ZEB2: variants seen among roughly 807,000 people sequenced by gnomAD.
The protein encoded by ZEB2 is zinc finger E-box binding homeobox 2.
Under a neutral mutation model 99.9 loss-of-function variants are expected in ZEB2, and 6 were observed. That is an observed-to-expected ratio of 0.06 (90% CI 0.03 to 0.12). The LOEUF (loss-of-function observed/expected upper bound fraction) is 0.12, where lower values mean the gene tolerates loss of function less well. Among genes scored for constraint, ZEB2 ranks in the 10% least tolerant of loss-of-function variants. The probability of loss-of-function intolerance (pLI) is 1.00; values close to 1 mark genes in which losing one functional copy is unlikely to be tolerated. For synonymous variants in ZEB2, 517 were observed against 542.5 expected (o/e 0.95, Z 0.65); for missense variants, 969 against 1,502.8 (o/e 0.64, Z 5.87).
intron 2 of ZEB2, chr2:144,497,876 TCTC>T (rs1704791193): frequency 4.0e-4 from 1 of 2,476 alleles, no homozygotes. Context: ...TATATGTCAT[TCTC>T]AACATATATA....
intron 2 of ZEB2, chr2:144,512,188 C>T (rs561714724): frequency 7.8e-6 from 10 of 1,287,098 alleles, no homozygotes; most frequent in Non-Finnish European, 1.0e-5. Flanking sequence ...ACCTGCACTC[C>T]CTCTCTCTGT....
At chr2:144,431,852 G>C (rs1226451666) in intron 2 of ZEB2, among the ~76,000 whole-genome samples, 2 of 138,262 alleles carry the variant, frequency 1.4e-5, no homozygotes, top group African/African-American at 5.2e-5. Flanking sequence ...GGAATGGGGG[G>C]GCTACAACAA....
At chr2:144,439,015 A>G (rs1703872337) in intron 2 of ZEB2, among the ~76,000 whole-genome samples, 1 of 152,052 alleles carries the variant, frequency 6.6e-6, no homozygotes, top group Non-Finnish European at 1.5e-5. Flanking sequence ...TGTAAACCAA[A>G]CAATGTGAGG....
At chr2:144,443,357 T>C (rs1179898851) in intron 2 of ZEB2, among the ~76,000 whole-genome samples, 1 of 152,178 alleles carries the variant, frequency 6.6e-6, no homozygotes, top group Non-Finnish European at 1.5e-5. Flanking sequence ...ACTAAGTATA[T>C]GCAAATTCCA....
At chr2:144,508,579 C>T (rs1385282698) in intron 2 of ZEB2, among the ~76,000 whole-genome samples, 3 of 151,862 alleles carry the variant, frequency 2.0e-5, no homozygotes, top group African/African-American at 2.4e-5. Context: ...ATTCTTGTGC[C>T]CAGCAAAAAA....
At position 144,387,157 on chromosome 2, in the gene ZEB2, A is replaced by G. The variant is rs1229781499; in HGVS notation, c.*2294T>C. The G allele has an allele frequency of 1.3e-5, 2 of 151,826 alleles. No homozygotes were observed. Among genetic ancestry groups the G allele is most frequent in the Admixed American group, 1.3e-4 (2 of 15,236 alleles). The allele number at this position is 151,826 out of a possible 1,614,324, so 9.4% of individuals were successfully genotyped here. ...AAGTGGTATTATGGCTAAGGAATAA[A>G]TATAAATATGTTGTTCTTGCCAACT... On this transcript the variant is annotated 3_prime_UTR_variant, in exon 10 of 10. Coordinates refer to ENST00000627532, the MANE Select transcript of ZEB2 (RefSeq NM_014795.4).
At chr2:144,475,615 T>TG (rs1704419548) in intron 2 of ZEB2, among the ~76,000 whole-genome samples, 1 of 152,186 alleles carries the variant, frequency 6.6e-6, no homozygotes, top group African/African-American at 2.4e-5. Flanking sequence ...AAGTATTTAT[T>TG]CATTATTGCA....
Position 144,399,665 on chromosome 2 carries a change from T to C in ZEB2, c.1522A>G (p.Ile508Val). The C allele has an allele frequency of 6.2e-7, 1 of 1,614,192 alleles. No individual in the cohort carries two copies. Among genetic ancestry groups the C allele is most frequent in the Non-Finnish European group, 8.5e-7 (1 of 1,180,026 alleles). The stretch of plus-strand genomic sequence containing the variant: ...ACTACCGGAAGACCGACAGGCGGAA[T>C]ATTAGGAGAAGTAACTCCTTGTTCC... ...PEEQGVTSPN[I>V]PPVGLPVVSH... is the part of the protein sequence containing the mutation. Residue 508 changes from isoleucine (I) to valine (V), a missense_variant, in exon 8 of 10, where the codon ATT (isoleucine) becomes GTT (valine). Physicochemically the swap from Ile to Val is conservative, Grantham distance 29. Transcript: ENST00000627532. This position sits in a 1 kb window ranked among gnomAD's most constrained non-coding sequence, Gnocchi z 5.6.
intron 4 of ZEB2, among the ~76,000 whole-genome samples, chr2:144,420,732 A>G (rs1346138533): frequency 6.6e-6 from 1 of 152,092 alleles, no homozygotes; most frequent in African/African-American, 2.4e-5. Context: ...GAGAATTTGG[A>G]TGACTGGAAG....
At chr2:144,517,240 T>C (rs774126619) in intron 2 of ZEB2, 38 bp downstream of exon 2, 28 of 1,610,946 alleles carry the variant, frequency 1.7e-5, no homozygotes, top group South Asian at 2.2e-5. Context: ...TCGAGCCGCG[T>C]AGTGGCCCGG....
intron 2 of ZEB2, among the ~76,000 whole-genome samples, chr2:144,466,631 T>C (rs1704276103): frequency 6.6e-6 from 1 of 152,196 alleles, no homozygotes; most frequent in Non-Finnish European, 1.5e-5. Context: ...ATCAAGTCAG[T>C]ACTGTATTAA....
intron 4 of ZEB2, among the ~76,000 whole-genome samples, chr2:144,419,024 T>G (rs1239536134): frequency 6.6e-6 from 1 of 152,050 alleles, no homozygotes; most frequent in East Asian, 1.9e-4. Context: ...AATAAAAATG[T>G]CATGCCATTT....
At chr2:144,410,813 A>C (rs1355639302) in intron 4 of ZEB2, among the ~76,000 whole-genome samples, 1 of 151,984 alleles carries the variant, frequency 6.6e-6, no homozygotes, top group Non-Finnish European at 1.5e-5. Flanking sequence ...CAAAATGAAT[A>C]AATAATTCTT....
Position 144,400,131 on chromosome 2 carries a change from A to C in ZEB2, c.1056T>G (p.Ser352=). The C allele has an allele frequency of 6.2e-7, 1 of 1,614,070 alleles. No homozygotes were observed. Among genetic ancestry groups the C allele is most frequent in the Non-Finnish European group, 8.5e-7 (1 of 1,179,900 alleles). ...GRMRNNIKTG[S]SPNSVSSSPT... Reference sequence around the variant, plus strand: ...GAGAAGAAGAAACAGAATTAGGGGAAGAACCCGTCTTGATATTGTTTCTCA... The same window carrying C: ...GAGAAGAAGAAACAGAATTAGGGGACGAACCCGTCTTGATATTGTTTCTCA... The change falls in exon 8 of 10, where the codon TCT becomes TCG. Residue 352 remains serine (S), a synonymous_variant. Transcript: ENST00000627532.
chr2:144,428,923 G>A (rs191119872), intron 3 of ZEB2: 2 of 152,214 alleles, frequency 1.3e-5, no homozygotes, highest in Non-Finnish European at 2.9e-5. Context: ...GTGACATGAG[G>A]TCTGAATTAG....
chr2:144,400,320 T>C, intron 7 of ZEB2, 50 bp from the exon 8 acceptor site: 8 of 1,579,864 alleles, frequency 5.1e-6, no homozygotes, highest in Non-Finnish European at 6.9e-6. Context: ...TAGATAACAA[T>C]TGCAATTGTC....
At chr2:144,423,626 T>C (rs868626318) in intron 4 of ZEB2, among the ~76,000 whole-genome samples, 10 of 152,230 alleles carry the variant, frequency 6.6e-5, no homozygotes, top group African/African-American at 2.2e-4. Flanking sequence ...TGCTTGATTC[T>C]ATACTTTTTC....
intron 2 of ZEB2, chr2:144,513,089 G>T: frequency 7.8e-7 from 1 of 1,287,034 alleles, no homozygotes; most frequent in Non-Finnish European, 1.0e-6. Flanking sequence ...CACCTCTCAG[G>T]GAGGAGAGCT....
rs567657890 is a variant in ZEB2, at chr2:144,423,386, C to T, written c.403+1410G>A. ...ATAGAAAGTATCTAATTCATGATAT[C>T]GCTTTATTTTTGTTTTAATATGAAG... On this transcript the variant is annotated intron_variant, in intron 4 of 9. Transcript: ENST00000627532. 5.3e-5 allele frequency among the ~76,000 whole-genome samples: 8 copies of T among 152,250 alleles called. No homozygotes were observed. In the South Asian group the frequency reaches 1.2e-3, roughly 24 times the overall value.
Sources: gnomAD v4.1 joint callset for allele counts (sites outside exome capture counted in the v4.1 genomes callset) on GRCh38, gnomAD v4.1.1 for gene constraint, Gnocchi (gnomAD v3.1) non-coding constraint, MANE v1.5 for transcripts, NCBI Gene and HGNC (gene_info 2026-07-23, HGNC 2026-07-21) for gene names.